RARB: variants seen among roughly 807,000 people sequenced by gnomAD.
RARB encodes retinoic acid receptor beta.
Under a neutral mutation model 51.9 loss-of-function variants are expected in RARB, and 17 were observed. The ratio of observed to expected loss-of-function variants is 0.33; its 90% CI spans 0.22 to 0.49. The LOEUF is 0.49. RARB is among the 20% of genes least tolerant of loss of function. The pLI is 0.99. For missense variants in RARB, 369 were observed against 550.8 expected, an observed-to-expected ratio of 0.67 and a Z score of 3.30; for synonymous variants, 215 against 195.4, an observed-to-expected ratio of 1.10 and a Z score of -0.84.
intron 5 of RARB, among the ~76,000 whole-genome samples, chr3:25,180,255 G>A (rs1237721414): frequency 2.0e-5 from 3 of 152,152 alleles, no homozygotes; most frequent in Admixed American, 2.0e-4. Flanking sequence ...AGAAAAGATG[G>A]AGTAATGGTT....
chr3:24,940,937 G>A (rs1252271117), intron 2 of RARB, among the ~76,000 whole-genome samples: 1 of 152,204 alleles, frequency 6.6e-6, no homozygotes, highest in African/African-American at 2.4e-5. Flanking sequence ...GATAGTCAGT[G>A]AGGTAAATCC....
intron 5 of RARB, among the ~76,000 whole-genome samples, chr3:25,342,645 A>G (rs1705264262): frequency 6.6e-6 from 1 of 152,210 alleles, no homozygotes; most frequent in Non-Finnish European, 1.5e-5. Flanking sequence ...TTAAATGAGA[A>G]AAGTATAACC....
At chr3:25,483,153 C>T (rs1191702681) in intron 2 of RARB, among the ~76,000 whole-genome samples, 1 of 152,096 alleles carries the variant, frequency 6.6e-6, no homozygotes, top group African/African-American at 2.4e-5. Flanking sequence ...CCCAAAATGT[C>T]AAGTGCAAAC....
chr3:25,205,692 T>C (rs775668291), intron 5 of RARB, among the ~76,000 whole-genome samples: 14 of 152,290 alleles, frequency 9.2e-5, no homozygotes, highest in South Asian at 2.1e-4. Flanking sequence ...CTCATAAATA[T>C]GTGCATCTAT....
intron 5 of RARB, among the ~76,000 whole-genome samples, chr3:25,244,906 G>A (rs1217224646): frequency 6.6e-6 from 1 of 152,126 alleles, no homozygotes; most frequent in African/African-American, 2.4e-5. Flanking sequence ...ACAGTGTGGT[G>A]TTAAAGTCTC....
intron 3 of RARB, among the ~76,000 whole-genome samples, chr3:25,563,309 A>G (rs1472013406): frequency 6.6e-6 from 1 of 152,218 alleles, no homozygotes; most frequent in East Asian, 1.9e-4. Flanking sequence ...GATTCATTCA[A>G]CACATACTCT....
chr3:24,943,499 A>G (rs142679066), intron 2 of RARB, among the ~76,000 whole-genome samples: 1 of 152,312 alleles, frequency 6.6e-6, no homozygotes, highest in East Asian at 1.9e-4. Flanking sequence ...TATATAAATG[A>G]GACTTGGTAG....
intron 4 of RARB, among the ~76,000 whole-genome samples, chr3:25,173,269 C>T (rs367615457): frequency 4.6e-5 from 7 of 152,180 alleles, no homozygotes; most frequent in African/African-American, 1.7e-4. Context: ...AACAATATGA[C>T]CTCAATCAAT....
intron 3 of RARB, among the ~76,000 whole-genome samples, chr3:25,078,342 TGC>T (rs1250401445): frequency 6.6e-6 from 1 of 152,166 alleles, no homozygotes. Context: ...ACTCAGTTTT[TGC>T]AATACTATCT....
intron 5 of RARB, among the ~76,000 whole-genome samples, chr3:25,416,806 C>T (rs1461601030): frequency 6.6e-6 from 1 of 152,150 alleles, no homozygotes; most frequent in African/African-American, 2.4e-5. Flanking sequence ...AGGGGCACGT[C>T]ACTCGTTTTG....
At chr3:25,261,849 T>G (rs1415708485) in intron 5 of RARB, among the ~76,000 whole-genome samples, 1 of 152,158 alleles carries the variant, frequency 6.6e-6, no homozygotes, top group Non-Finnish European at 1.5e-5. Context: ...GGGGCACTAT[T>G]CCCAAAATTC....
intron 5 of RARB, among the ~76,000 whole-genome samples, chr3:25,354,743 A>T (rs1359194970): frequency 1.3e-5 from 2 of 152,140 alleles, no homozygotes; most frequent in African/African-American, 2.4e-5. Context: ...ACAGGGTTAG[A>T]TACACTGAGC....
intron 2 of RARB, among the ~76,000 whole-genome samples, chr3:24,979,018 T>C (rs1242319789): frequency 2.0e-5 from 3 of 152,176 alleles, no homozygotes; most frequent in Non-Finnish European, 4.4e-5. Context: ...TACCCAGTAG[T>C]CATTTAGGAG....
chr3:25,038,504 A>G (rs972583925), intron 2 of RARB, among the ~76,000 whole-genome samples: 13 of 152,176 alleles, frequency 8.5e-5, no homozygotes, highest in Non-Finnish European at 1.9e-4. Flanking sequence ...GAGCTGTAAT[A>G]TATAGGTCAT....
At chr3:25,386,447 AAAG>A (rs1706796566) in intron 5 of RARB, among the ~76,000 whole-genome samples, 7 of 152,178 alleles carry the variant, frequency 4.6e-5, no homozygotes, top group African/African-American at 1.7e-4. Context: ...AAGAAGGAAA[AAAG>A]TAGCTTTTTA....
At chr3:25,337,060 C>T (rs1705084514) in intron 5 of RARB, among the ~76,000 whole-genome samples, 1 of 152,168 alleles carries the variant, frequency 6.6e-6, no homozygotes, top group South Asian at 2.1e-4. Context: ...GAGCTAAACT[C>T]CATTAGATCT....
At chr3:25,094,556 A>C (rs1024923014) in intron 3 of RARB, among the ~76,000 whole-genome samples, 4 of 151,900 alleles carry the variant, frequency 2.6e-5, no homozygotes, top group Non-Finnish European at 5.9e-5. Context: ...GTCTCTACCA[A>C]AAATACAAAA....
At chr3:25,353,909 G>A (rs1705651202) in intron 5 of RARB, among the ~76,000 whole-genome samples, 1 of 152,040 alleles carries the variant, frequency 6.6e-6, no homozygotes, top group Admixed American at 6.6e-5. Context: ...GAGAGAACAA[G>A]AGTTTTGCAA....
intron 3 of RARB, among the ~76,000 whole-genome samples, chr3:25,111,025 T>C (rs1005775686): frequency 1.3e-5 from 2 of 152,198 alleles, no homozygotes; most frequent in Non-Finnish European, 2.9e-5. Context: ...TTCTAACATC[T>C]TGGCTCTCTT....
Sources: allele counts gnomAD v4.1 joint callset (sites outside exome capture counted in the v4.1 genomes callset), GRCh38; gene constraint gnomAD v4.1.1; transcripts MANE v1.5; gene names NCBI Gene and HGNC (gene_info 2026-07-23, HGNC 2026-07-21).